The following CERS5 variants were observed in gnomAD, a reference collection of about 807,000 sequenced individuals.
CERS5 encodes the protein LAG1 homolog, ceramide synthase 5.
A neutral mutation model predicts 58.9 loss-of-function variants in CERS5; 37 were observed. The ratio of observed to expected loss-of-function variants is 0.63; its 90% CI spans 0.48 to 0.83. CERS5 has a LOEUF of 0.83. Among genes scored for constraint, CERS5 ranks in the 40% least tolerant of loss-of-function variants. The pLI is 0.00. For missense variants in CERS5, 398 were observed against 489.3 expected, an observed-to-expected ratio of 0.81 and a Z score of 1.76; for synonymous variants, 147 against 177.8, an observed-to-expected ratio of 0.83 and a Z score of 1.38.
At chr12:50,131,531 C>T (rs979831339) in intron 9 of CERS5, among the ~76,000 whole-genome samples, 3 of 122,148 alleles carry the variant, frequency 2.5e-5, no homozygotes, top group African/African-American at 3.2e-5. Context: ...TGCACTCCAG[C>T]GTGGGCGACA....
At chr12:50,164,568 G>A (rs1336401362) in intron 1 of CERS5, among the ~76,000 whole-genome samples, 1 of 152,302 alleles carries the variant, frequency 6.6e-6, no homozygotes, top group Admixed American at 6.5e-5. Context: ...AGTGCTTCTA[G>A]GGTTAAACTT....
At position 50,135,770 on chromosome 12, in the gene CERS5, A is replaced by G. The variant is rs1266212719; in HGVS notation, c.834T>C (p.Ala278=). 3 of 1,614,122 alleles carry G rather than the reference A, an allele frequency of 1.9e-6. No homozygotes were observed. The highest frequency in any genetic ancestry group is 2.5e-6 in the Non-Finnish European group (3 of 1,179,952). The change falls in exon 8 of 10, where the codon GCT becomes GCC. Residue 278 remains alanine, a synonymous_variant. Transcript: ENST00000317551. ...LCDTLFVIFS[A]VFMVTRLGIY... is the part of the protein sequence containing the mutation. The stretch of plus-strand genomic sequence containing the variant: ...TTCCTAGTCGTGTAACCATAAAAAC[A>G]GCACTGAAGATCACAAAAAGGGTGT...
At chr12:50,160,769 ACTTGGACCACAC>A (rs1419579883) in intron 1 of CERS5, among the ~76,000 whole-genome samples, 5 of 152,202 alleles carry the variant, frequency 3.3e-5, no homozygotes, top group Non-Finnish European at 5.9e-5. Flanking sequence ...GCCTACTTGG[ACTTGGACCACAC>A]CTTGGACTAT....
chr12:50,161,439 T>C (rs1939248955), intron 1 of CERS5, among the ~76,000 whole-genome samples: 1 of 152,234 alleles, frequency 6.6e-6, no homozygotes. Context: ...TCTAGGCACA[T>C]AGAGTAAGAT....
At chr12:50,157,801 G>A in intron 1 of CERS5, among the ~76,000 whole-genome samples, 1 of 152,168 alleles carries the variant, frequency 6.6e-6, no homozygotes, top group Non-Finnish European at 1.5e-5. Flanking sequence ...CAGGCATGGT[G>A]ATTCATGCCA....
intron 9 of CERS5, 116 bp from the exon 10 acceptor site, chr12:50,130,810 T>A: frequency 2.3e-6 from 2 of 854,594 alleles, no homozygotes; most frequent in Non-Finnish European, 1.8e-6. Flanking sequence ...TGATGACATC[T>A]AACTCAAAGA....
intron 1 of CERS5, chr12:50,147,418 A>AAAAAAAAAAT (rs1952351148): frequency 6.6e-6 from 1 of 151,558 alleles, no homozygotes; most frequent in Non-Finnish European, 1.5e-5. Flanking sequence ...AAAAAAAAAA[A>AAAAAAAAAAT]AAAAAAAAAT....
In CERS5 at chr12:50,167,136, C is replaced by T. The variant is rs79554344; in HGVS notation, c.162G>A (p.Ala54=). ...GRHILSVFPL[A]AGIFFVRLLF... ...GCAGCCTCACGAAGAAGATGCCCGC[C>T]GCCAGCGGGAACACCGAGAGGATGT... Residue 54 remains alanine, a synonymous_variant, in exon 1 of 10, where the codon GCG becomes GCA. Transcript: ENST00000317551. 2,008 of 1,577,306 alleles carry T rather than the reference C, an allele frequency of 1.3e-3. 11 individuals carry two copies. In the African/African-American group the frequency reaches 0.024, roughly 19 times the overall value.
At chr12:50,145,770 C>T (rs1026815845) in intron 1 of CERS5, among the ~76,000 whole-genome samples, 4 of 152,152 alleles carry the variant, frequency 2.6e-5, no homozygotes, top group African/African-American at 7.2e-5. Flanking sequence ...TAACCCCCAA[C>T]TCATGTTTAA....
chr12:50,151,998 C>T (rs1938018047), intron 1 of CERS5, among the ~76,000 whole-genome samples: 1 of 152,154 alleles, frequency 6.6e-6, no homozygotes, highest in Admixed American at 6.6e-5. Context: ...TCCTCTATCT[C>T]CTTTGCAGTT....
chr12:50,145,660 C>T (rs575583741), intron 1 of CERS5, among the ~76,000 whole-genome samples: 115 of 148,682 alleles, frequency 7.7e-4, no homozygotes, highest in Non-Finnish European at 1.4e-3. Context: ...TCTTTTACAC[C>T]GGTGGGGGGG....
At chr12:50,162,090 G>A (rs1035707727) in intron 1 of CERS5, among the ~76,000 whole-genome samples, 13 of 151,058 alleles carry the variant, frequency 8.6e-5, no homozygotes, top group African/African-American at 2.4e-4. Context: ...TGGCGAGGCC[G>A]GTCTCGAACT....
In CERS5 at chr12:50,163,353, T is replaced by C. The variant is rs529721989; in HGVS notation, c.197+3748A>G. 4.0e-5 allele frequency among the ~76,000 whole-genome samples: 6 copies of C among 151,762 alleles called. No individual in the cohort carries two copies. The South Asian group carries it at 1.3e-3, about 32-fold the overall frequency. On this transcript the variant is annotated intron_variant, in intron 1 of 9. Transcript: ENST00000317551. ...AGCTGGGATTACAGGCGCCCGCCAC[T>C]ACGCGGGGCTATTTTTGTATTTTTA...
chr12:50,155,031 C>T (rs1168123731), intron 1 of CERS5, among the ~76,000 whole-genome samples: 2 of 151,934 alleles, frequency 1.3e-5, no homozygotes, highest in African/African-American at 4.8e-5. Context: ...TTAATTTTTG[C>T]ATTTTTAGTA....
chr12:50,160,408 A>T (rs1480468390), intron 1 of CERS5, among the ~76,000 whole-genome samples: 2 of 152,156 alleles, frequency 1.3e-5, no homozygotes, highest in Non-Finnish European at 2.9e-5. Context: ...ATGACAGGCC[A>T]GCGAATGAGT....
chr12:50,165,985 T>A, intron 1 of CERS5: 1 of 453,526 alleles, frequency 2.2e-6, no homozygotes, highest in African/African-American at 2.0e-5. Context: ...GGTGAAATCA[T>A]GTGGTTGAAC....
chr12:50,160,688 T>C (rs187354384), intron 1 of CERS5, among the ~76,000 whole-genome samples: 1 of 152,336 alleles, frequency 6.6e-6, no homozygotes, highest in East Asian at 1.9e-4. Flanking sequence ...AGGGAAAATA[T>C]GCTCAAGGGA....
intron 8 of CERS5, chr12:50,135,307 GAGTGTGTGTGTGTGT>G (rs1951623699): frequency 5.6e-6 from 1 of 178,872 alleles, no homozygotes; most frequent in South Asian, 4.2e-5. Context: ...AGAGAGAGAG[GAGTGTGTGTGTGTGT>G]GTGTGTGTGT....
intron 1 of CERS5, among the ~76,000 whole-genome samples, chr12:50,162,727 C>T (rs1939442843): frequency 6.6e-6 from 1 of 152,034 alleles, no homozygotes; most frequent in Non-Finnish European, 1.5e-5. Context: ...CCTCAGCCTC[C>T]CAAGTAGCTG....
Sources: allele counts gnomAD v4.1 joint callset (sites outside exome capture counted in the v4.1 genomes callset), GRCh38; gene constraint gnomAD v4.1.1; transcripts MANE v1.5; gene names NCBI Gene and HGNC (gene_info 2026-07-23, HGNC 2026-07-21).